Variants in TRAPPC9 observed in about 807,000 individuals in gnomAD.
The protein encoded by TRAPPC9 is trafficking protein particle complex subunit 9, also known as IKK2 binding protein.
TRAPPC9 carries 83 observed loss-of-function variants against 124.0 expected under a neutral mutation model. The observed-to-expected ratio is 0.67, with a 90% CI of 0.56 to 0.80. The LOEUF (loss-of-function observed/expected upper bound fraction) is 0.80, where lower values mean the gene tolerates loss of function less well. TRAPPC9 is among the 30% of genes least tolerant of loss of function. TRAPPC9 has a pLI of 0.00. For missense variants in TRAPPC9, 1,302 were observed against 1,508.3 expected, an observed-to-expected ratio of 0.86 and a Z score of 2.27; for synonymous variants, 638 against 617.5, an observed-to-expected ratio of 1.03 and a Z score of -0.49.
intron 21 of TRAPPC9, among the ~76,000 whole-genome samples, chr8:139,842,916 A>G (rs926157033): frequency 6.6e-6 from 1 of 152,160 alleles, no homozygotes; most frequent in African/African-American, 2.4e-5. Context: ...CATCGCACAG[A>G]TGAGGAAGCT....
At chr8:140,370,136 T>G (rs958110646) in intron 8 of TRAPPC9, among the ~76,000 whole-genome samples, 15 of 152,014 alleles carry the variant, frequency 9.9e-5, no homozygotes, top group Admixed American at 5.2e-4. Context: ...ATGTTTTTTT[T>G]TTTGTTTTTT....
intron 20 of TRAPPC9, among the ~76,000 whole-genome samples, chr8:139,898,650 T>C (rs1830817540): frequency 6.6e-6 from 1 of 152,130 alleles, no homozygotes; most frequent in Admixed American, 6.5e-5. Flanking sequence ...CAGAGCCACA[T>C]TCGAGCTTCA....
chr8:140,419,644 G>C (rs943065814), intron 5 of TRAPPC9, among the ~76,000 whole-genome samples: 1 of 151,746 alleles, frequency 6.6e-6, no homozygotes, highest in Non-Finnish European at 1.5e-5. Context: ...CCAACACTTT[G>C]GGAGGCCGAG....
intron 21 of TRAPPC9, among the ~76,000 whole-genome samples, chr8:139,736,704 C>G (rs1439328124): frequency 6.6e-6 from 1 of 152,248 alleles, no homozygotes; most frequent in Admixed American, 6.5e-5. Context: ...ATGCTCGCAG[C>G]TGCCTTGCAA....
At chr8:139,878,460 G>C (rs1207480493) in intron 21 of TRAPPC9, among the ~76,000 whole-genome samples, 1 of 150,068 alleles carries the variant, frequency 6.7e-6, no homozygotes, top group East Asian at 2.0e-4. Context: ...TCTAGCCGGA[G>C]GTTGAGATTC....
chr8:140,267,168 T>G (rs2064698668), intron 15 of TRAPPC9, among the ~76,000 whole-genome samples: 1 of 152,164 alleles, frequency 6.6e-6, no homozygotes, highest in African/African-American at 2.4e-5. Flanking sequence ...AGTGAAGATG[T>G]GTGCAGAGAC....
At chr8:140,025,063 C>T (rs1220721943) in intron 17 of TRAPPC9, among the ~76,000 whole-genome samples, 1 of 152,154 alleles carries the variant, frequency 6.6e-6, no homozygotes, top group Non-Finnish European at 1.5e-5. Context: ...ATGGGGAGAC[C>T]CCACCCATGG....
rs1376497128 is a variant in TRAPPC9 at position 139,962,171 on chromosome 8, C to T, written c.2810+26555G>A. On this transcript the variant is annotated intron_variant, in intron 19 of 22. Transcript: ENST00000438773. ...TGACGCTCATCTTCATCTTGTTCAC[C>T]CTTCATATGTCTTTGTACCTCAGTC... is the stretch of plus-strand genomic sequence containing the variant. Among the ~76,000 whole-genome samples, 5 of 124,256 alleles carry T rather than the reference C, an allele frequency of 4.0e-5. 1 individual carries two copies. The highest frequency in any genetic ancestry group is 1.3e-4 in the African/African-American group (5 of 39,214). The allele number at this position is 124,256 out of a possible 152,430, so 81.5% of individuals were successfully genotyped here. A position where few individuals can be genotyped will look rare whatever the true frequency, so the allele number is the denominator to read the frequency against.
intron 20 of TRAPPC9, among the ~76,000 whole-genome samples, chr8:139,905,063 A>C: frequency 6.6e-6 from 1 of 152,224 alleles, no homozygotes; most frequent in Non-Finnish European, 1.5e-5. Context: ...GAAGAAGCTT[A>C]AAAGAAGAAG....
At chr8:140,151,876 C>T (rs2061548476) in intron 17 of TRAPPC9, among the ~76,000 whole-genome samples, 1 of 152,158 alleles carries the variant, frequency 6.6e-6, no homozygotes, top group Non-Finnish European at 1.5e-5. Flanking sequence ...GTTCTCTCTC[C>T]TACTTCTAGA....
chr8:140,409,753 G>T (rs7000716), intron 5 of TRAPPC9, among the ~76,000 whole-genome samples: 4,293 of 152,190 alleles, frequency 0.028, 96 homozygotes, highest in Non-Finnish European at 0.046. Context: ...ACAAGAAAAA[G>T]AATTAAGAAC....
At chr8:140,174,327 A>C (rs932403013) in intron 17 of TRAPPC9, among the ~76,000 whole-genome samples, 3 of 147,622 alleles carry the variant, frequency 2.0e-5, no homozygotes, top group African/African-American at 8.1e-5. Flanking sequence ...CCCATGACAC[A>C]TGTTTACCTG....
chr8:140,278,883 G>A (rs1376458351), intron 14 of TRAPPC9, among the ~76,000 whole-genome samples: 1 of 152,258 alleles, frequency 6.6e-6, no homozygotes, highest in African/African-American at 2.4e-5. Flanking sequence ...TCCCTGCAAA[G>A]CAAGCCTGGC....
intron 21 of TRAPPC9, among the ~76,000 whole-genome samples, chr8:139,799,757 G>A (rs1226309686): frequency 2.0e-5 from 3 of 152,228 alleles, no homozygotes; most frequent in Non-Finnish European, 4.4e-5. Context: ...GCAGGGGAAG[G>A]AGCGGGGCTG....
At chr8:140,367,565 T>C (rs778558391) in intron 8 of TRAPPC9, among the ~76,000 whole-genome samples, 1 of 151,928 alleles carries the variant, frequency 6.6e-6, no homozygotes, top group Non-Finnish European at 1.5e-5. Flanking sequence ...TGCCAGAAGG[T>C]AATAAATAGG....
chr8:139,948,979 G>A (rs535405061), intron 19 of TRAPPC9, among the ~76,000 whole-genome samples: 3 of 152,094 alleles, frequency 2.0e-5, no homozygotes, highest in Non-Finnish European at 2.9e-5. Flanking sequence ...AGGCTGAGGC[G>A]GGAGAATCGC....
rs1212695895 is a variant in TRAPPC9 at position 140,063,152 on chromosome 8, C to T, written c.2557-39073G>A. Among the ~76,000 whole-genome samples, 2 of 152,090 alleles carry T rather than the reference C, an allele frequency of 1.3e-5. No individual in the cohort carries two copies. The highest frequency in any genetic ancestry group is 6.5e-5 in the Admixed American group (1 of 15,272). On this transcript the variant is annotated intron_variant, in intron 17 of 22. Transcript: ENST00000438773. This position sits in a 1 kb window ranked among gnomAD's most constrained non-coding sequence, Gnocchi z 4.3. ...TATCATGAGAACGGTGTGGGGGAAG[C>T]GGCCACTGTGATTCAATGACCTCCA...
chr8:139,842,715 C>T (rs1042131580), intron 21 of TRAPPC9, among the ~76,000 whole-genome samples: 1 of 152,198 alleles, frequency 6.6e-6, no homozygotes, highest in African/African-American at 2.4e-5. Context: ...CTCCACCGCC[C>T]TGTCCTGCTG....
intron 17 of TRAPPC9, among the ~76,000 whole-genome samples, chr8:140,183,200 G>A (rs1450902346): frequency 6.6e-6 from 1 of 152,140 alleles, no homozygotes; most frequent in African/African-American, 2.4e-5. Context: ...GCACTGGAAG[G>A]GAATAAAAAT....
Sources: allele counts gnomAD v4.1 joint callset (sites outside exome capture counted in the v4.1 genomes callset), GRCh38; gene constraint gnomAD v4.1.1; non-coding constraint Gnocchi (gnomAD v3.1); transcripts MANE v1.5; gene names NCBI Gene and HGNC (gene_info 2026-07-23, HGNC 2026-07-21).